The following PCM1 variants were observed in gnomAD, a reference collection of about 807,000 sequenced individuals.
PCM1 encodes the protein pericentriolar material 1, also known as pericentriolar material 1 protein.
A neutral mutation model predicts 241.9 loss-of-function variants in PCM1; 157 were observed. The ratio of observed to expected loss-of-function variants is 0.65; its 90% CI spans 0.57 to 0.74. The LOEUF is 0.74. Ranked by LOEUF, PCM1 falls within the 30% of genes least tolerant of loss-of-function variation. The pLI is 0.00. For missense variants in PCM1, 3,478 were observed against 2,360.1 expected, an observed-to-expected ratio of 1.47 and a Z score of -9.81; for synonymous variants, 1,085 against 784.9, an observed-to-expected ratio of 1.38 and a Z score of -6.39.
intron 7 of PCM1, among the ~76,000 whole-genome samples, chr8:17,948,221 A>G (rs2129456359): frequency 6.7e-6 from 1 of 149,566 alleles, no homozygotes; most frequent in East Asian, 2.0e-4. Context: ...CCACTGGCTC[A>G]CCTGTCTAAT....
At chr8:17,984,631 T>C (rs1587815248) in intron 24 of PCM1, among the ~76,000 whole-genome samples, 1 of 152,032 alleles carries the variant, frequency 6.6e-6, no homozygotes, top group Non-Finnish European at 1.5e-5. Flanking sequence ...TTCCATTTTC[T>C]TATTCCTCTC....
intron 23 of PCM1, among the ~76,000 whole-genome samples, chr8:17,976,459 T>C (rs1452327985): frequency 2.6e-5 from 4 of 152,194 alleles, no homozygotes; most frequent in Non-Finnish European, 4.4e-5. Flanking sequence ...TGGGAAACTC[T>C]CCTGACAGAA....
Position 17,993,466 on chromosome 8 carries a change from T to C in PCM1, c.4691-17T>C. The stretch of plus-strand genomic sequence containing the variant: ...ATAGGCTTTGTTAGGCTAATGTATT[T>C]TCTTTTTAAAAATTAGAAACTCCCG... On this transcript the variant is annotated splice_polypyrimidine_tract_variant and intron_variant, in intron 28 of 38. Coordinates refer to ENST00000325083, the MANE Select transcript of PCM1 (RefSeq NM_006197.4). 1 of 1,530,768 alleles carries C rather than the reference T, an allele frequency of 6.5e-7. No individual in the cohort carries two copies. The highest frequency in any genetic ancestry group is 2.2e-5 in the Admixed American group (1 of 46,470). 94.8% of individuals were successfully genotyped at this position (1,530,768 alleles called of 1,614,324 possible).
chr8:17,955,836 T>G (rs1363329740), intron 10 of PCM1, 183 bp downstream of exon 10: 1 of 596,520 alleles, frequency 1.7e-6, no homozygotes, highest in Non-Finnish European at 3.0e-6. Context: ...CTAAGAGATG[T>G]GATGTAACAT....
intron 36 of PCM1, among the ~76,000 whole-genome samples, chr8:18,015,390 A>ACATAAAT (rs2093036271): frequency 6.6e-6 from 1 of 152,202 alleles, no homozygotes; most frequent in South Asian, 2.1e-4. Context: ...TAAGCTGCAA[A>ACATAAAT]CATAAATGAA....
At chr8:17,957,833 A>C (rs559384423) in intron 13 of PCM1, 58 bp downstream of exon 13, 1 of 1,138,104 alleles carries the variant, frequency 8.8e-7, no homozygotes, top group East Asian at 2.4e-5. Context: ...TCTTAAGTAA[A>C]ATTTGTGTAT....
intron 4 of PCM1, 37 bp from the exon 5 acceptor site, chr8:17,938,703 T>C (rs190992531): frequency 1.3e-6 from 2 of 1,549,422 alleles, no homozygotes; most frequent in Admixed American, 3.4e-5. Context: ...GTCATAAGGT[T>C]AATGTTTGTG....
Position 18,006,348 on chromosome 8 carries a change from G to C in PCM1, c.4913G>C (p.Ser1638Thr). ...ACCCTTACCCAGCAAAATGATGAGA[G>C]CAAAGAGTTTGTAAAGTTCTTTCAT... is the stretch of plus-strand genomic sequence containing the variant. ...VLTLTQQNDE[S>T]KEFVKFFHKQ... Residue 1638 changes from serine to threonine, a missense_variant, in exon 30 of 39, where the codon AGC becomes ACC. Coordinates refer to ENST00000325083, the MANE Select transcript of PCM1 (RefSeq NM_006197.4). 1 of 1,613,016 alleles carries C rather than the reference G, an allele frequency of 6.2e-7. No homozygotes were observed. Among genetic ancestry groups the C allele is most frequent in the Non-Finnish European group, 8.5e-7 (1 of 1,179,148 alleles).
intron 23 of PCM1, among the ~76,000 whole-genome samples, chr8:17,977,105 G>T (rs2079036914): frequency 6.6e-6 from 1 of 152,066 alleles, no homozygotes; most frequent in African/African-American, 2.4e-5. Context: ...TTATATAAAT[G>T]TTCATGTTAG....
intron 18 of PCM1, 128 bp downstream of exon 18, chr8:17,964,896 C>G: frequency 1.5e-6 from 1 of 686,198 alleles, no homozygotes; most frequent in Non-Finnish European, 2.5e-6. Context: ...TTTACACTAA[C>G]TACTCAGAGT....
At position 18,006,267 on chromosome 8, in the gene PCM1, A is replaced by T. The variant is rs753987074; in HGVS notation, c.4832A>T (p.His1611Leu). The T allele has an allele frequency of 6.2e-7, 1 of 1,605,402 alleles. No individual in the cohort carries two copies. Among genetic ancestry groups the T allele is most frequent in the Non-Finnish European group, 8.5e-7 (1 of 1,175,578 alleles). Residue 1611 changes from histidine to leucine, a missense_variant, in exon 30 of 39, where the codon CAC becomes CTC. By Grantham distance (99) the His-to-Leu change is moderately conservative. Transcript: ENST00000325083. ...ACCAACTAGGATTTTTCTCAGGAGC[A>T]CATGGATGAAGTATGCTCCTCGCAG... ...MKEVIPFLKEHMDEVCSSQLL... is the reference protein window; with the variant it reads ...MKEVIPFLKELMDEVCSSQLL...
In PCM1 at chr8:18,013,650, G is replaced by A. The variant is rs141070152; in HGVS notation, c.5512-314G>A. 1.1e-3 allele frequency among the ~76,000 whole-genome samples: 163 copies of A among 151,882 alleles called. No homozygotes were observed. In the Middle Eastern group the frequency reaches 0.024, roughly 22 times the overall value. ...ATTTAGCTTTGTTCATCTTCCTCTC[G>A]TCACTTCCTCCTTCATTCCCTTCTT... On this transcript the variant is annotated intron_variant, in intron 34 of 38. Coordinates refer to ENST00000325083, the MANE Select transcript of PCM1 (RefSeq NM_006197.4).
chr8:17,957,742 TAGAC>T lies in PCM1; in HGVS notation c.2010_2013del (p.Arg670SerfsTer56). The T allele has an allele frequency of 6.2e-7, 1 of 1,613,496 alleles. No individual in the cohort carries two copies. Among genetic ancestry groups the T allele is most frequent in the Non-Finnish European group, 8.5e-7 (1 of 1,179,608 alleles). On this transcript the variant is annotated frameshift_variant, in exon 13 of 39. Transcript: ENST00000325083. LOFTEE classifies it high-confidence loss of function. ...GACTTATGGCTGCAAAACAGAAACTTAGACAGTTACAAGATCTTGTTGCTATGGT... is the reference window on the plus strand; with the variant it reads ...GACTTATGGCTGCAAAACAGAAACTTAGTTACAAGATCTTGTTGCTATGGT...
At chr8:17,932,780 G>T (rs1022229323) in intron 2 of PCM1, among the ~76,000 whole-genome samples, 1 of 151,886 alleles carries the variant, frequency 6.6e-6, no homozygotes. Flanking sequence ...CAATTTTCTT[G>T]TCTTTTTAAA....
intron 23 of PCM1, among the ~76,000 whole-genome samples, chr8:17,977,275 G>T (rs919424666): frequency 5.3e-5 from 8 of 151,998 alleles, no homozygotes; most frequent in Admixed American, 3.3e-4. Context: ...TCTCTTTTCA[G>T]TAAATTTCAT....
chr8:17,965,869 T>TA (rs1314436236), intron 18 of PCM1, 130 bp from the exon 19 acceptor site: 6 of 614,140 alleles, frequency 9.8e-6, no homozygotes, highest in Non-Finnish European at 2.8e-6. Context: ...CTATATTTTT[T>TA]AATACTTTGT....
chr8:18,024,472 C>G (rs1346591667), intron 36 of PCM1, among the ~76,000 whole-genome samples: 1 of 152,160 alleles, frequency 6.6e-6, no homozygotes, highest in Non-Finnish European at 1.5e-5. Flanking sequence ...ACTCTTCTAA[C>G]TCTTTTGTTT....
chr8:17,984,569 A>G (rs529155841), intron 24 of PCM1, among the ~76,000 whole-genome samples: 353 of 152,078 alleles, frequency 2.3e-3, no homozygotes, highest in Non-Finnish European at 4.3e-3. Flanking sequence ...ACCTGAAGAT[A>G]TTAAATTATT....
rs1027961948 is a variant in PCM1 at position 18,026,604 on chromosome 8, A to G, written c.6049+946A>G. On this transcript the variant is annotated intron_variant, in intron 38 of 38. Transcript: ENST00000325083. Reference sequence around the variant, plus strand: ...TTGATTTTTAGTTCTTTAGGAGACTATAACTCTAAATATTATGATTCTTAG... The same window carrying G: ...TTGATTTTTAGTTCTTTAGGAGACTGTAACTCTAAATATTATGATTCTTAG... Among the ~76,000 whole-genome samples, 11 of 152,112 alleles carry G rather than the reference A, an allele frequency of 7.2e-5. No individual in the cohort carries two copies. The South Asian group carries it at 8.3e-4, about 11-fold the overall frequency.
Sources: gnomAD v4.1 joint callset for allele counts (sites outside exome capture counted in the v4.1 genomes callset) on GRCh38, gnomAD v4.1.1 for gene constraint, MANE v1.5 for transcripts, NCBI Gene and HGNC (gene_info 2026-07-23, HGNC 2026-07-21) for gene names.